Variants in NAV2 observed in about 807,000 individuals in gnomAD.
The protein encoded by NAV2 is helicase, APC down-regulated 1.
Under a neutral mutation model 223.2 loss-of-function variants are expected in NAV2, and 54 were observed. That is an observed-to-expected ratio of 0.24 (90% CI 0.19 to 0.30). The LOEUF (loss-of-function observed/expected upper bound fraction) is 0.30, where lower values mean the gene tolerates loss of function less well. Ranked by LOEUF, NAV2 falls within the 10% of genes least tolerant of loss-of-function variation. The pLI, the probability that NAV2 is intolerant of heterozygous loss-of-function variation, is 1.00. For synonymous variants in NAV2, 1,279 were observed against 1,239.3 expected (o/e 1.03, Z -0.67); for missense variants, 2,806 against 3,147.5 (o/e 0.89, Z 2.60).
chr11:19,802,350 T>C (rs2058319170), intron 1 of NAV2, among the ~76,000 whole-genome samples: 2 of 152,110 alleles, frequency 1.3e-5, no homozygotes, highest in East Asian at 1.9e-4. Context: ...AATTCTCTGA[T>C]TCTGGGTTCC....
chr11:19,414,339 A>C (rs7948615), intron 1 of NAV2, among the ~76,000 whole-genome samples: 44,491 of 152,130 alleles, frequency 0.29, 6,771 homozygotes, highest in East Asian at 0.51. Flanking sequence ...AGATCAAAAA[A>C]GAGAAAGAAG....
intron 1 of NAV2, among the ~76,000 whole-genome samples, chr11:19,813,031 A>G (rs543144303): frequency 2.0e-5 from 3 of 152,214 alleles, no homozygotes; most frequent in Non-Finnish European, 4.4e-5. Flanking sequence ...CACCCATGCC[A>G]ATGTCTCGGT....
At position 20,103,261 on chromosome 11, in the gene NAV2, C is replaced by A. The variant is rs34329467; in HGVS notation, c.6424C>A (p.Arg2142Ser). The A allele has an allele frequency of 1.1e-5, 18 of 1,612,160 alleles. No homozygotes were observed. Among genetic ancestry groups the A allele is most frequent in the East Asian group, 4.5e-5 (2 of 44,882 alleles). Residue 2142 changes from arginine (R) to serine (S), a missense_variant, in exon 33 of 38, where the codon CGC (arginine) becomes AGC (serine). Physicochemically the swap from Arg to Ser is moderately radical, Grantham distance 110 (BLOSUM62 -1). This residue lies in a region of NAV2 where 824 missense variants were observed against 1,069.4 expected (regional missense o/e 0.77). Transcript: ENST00000349880. ...GCCTTCCTGGCCACCATAGGAATTGCGCCAGTACCTGTCCAACCTTGCTGA... is the reference window on the plus strand; with the variant it reads ...GCCTTCCTGGCCACCATAGGAATTGAGCCAGTACCTGTCCAACCTTGCTGA... ...NVDHKSSKEL[R>S]QYLSNLADQC...
chr11:19,722,933 C>G (rs1410960669), intron 1 of NAV2, among the ~76,000 whole-genome samples: 1 of 152,214 alleles, frequency 6.6e-6, no homozygotes, highest in Non-Finnish European at 1.5e-5. Flanking sequence ...GAGGCAGATT[C>G]CTTTGCACAA....
rs888769422 is a variant in NAV2, at chr11:19,601,662, G to A, written c.76-230822G>A. Reference sequence around the variant, plus strand: ...AAACTGGCATGCAAACATTGCTATCGGTGACAGTGAATCTTGGTGGGGACA... The same window carrying A: ...AAACTGGCATGCAAACATTGCTATCAGTGACAGTGAATCTTGGTGGGGACA... On this transcript the variant is annotated intron_variant, in intron 1 of 37. Coordinates refer to the NAV2 transcript ENST00000360655. Among the ~76,000 whole-genome samples, 7 of 152,144 alleles carry A rather than the reference G, an allele frequency of 4.6e-5. 1 individual carries two copies. The South Asian group carries it at 8.3e-4, about 18-fold the overall frequency.
intron 4 of NAV2, among the ~76,000 whole-genome samples, chr11:19,874,022 C>T (rs926801158): frequency 2.6e-5 from 4 of 152,202 alleles, no homozygotes; most frequent in Non-Finnish European, 5.9e-5. Context: ...GTGGTTTGCA[C>T]AGCCCTCCCT....
intron 1 of NAV2, among the ~76,000 whole-genome samples, chr11:19,372,078 C>T (rs1430604915): frequency 1.3e-5 from 2 of 152,140 alleles, no homozygotes; most frequent in Non-Finnish European, 2.9e-5. Flanking sequence ...TGCACCTGGC[C>T]TATTTTTCTG....
rs759791466 is a variant in NAV2 at position 20,090,934 on chromosome 11, G to A, written c.5568G>A (p.Glu1856=). The change falls in exon 27 of 38, where the codon GAG becomes GAA. Residue 1856 remains glutamate (E), a synonymous_variant. Transcript: ENST00000349880. The part of the protein sequence containing the change: ...MQLRNELRDK[E]MKLTDIRLEA... Reference sequence around the variant, plus strand: ...TCCGAAATGAGTTAAGAGACAAGGAGATGAAGCTGACGGATATCCGCTTAG... The same window carrying A: ...TCCGAAATGAGTTAAGAGACAAGGAAATGAAGCTGACGGATATCCGCTTAG... 2 of 1,613,972 alleles carry A rather than the reference G, an allele frequency of 1.2e-6. No individual in the cohort carries two copies. The highest frequency in any genetic ancestry group is 2.2e-5 in the South Asian group (2 of 91,076).
Position 19,733,455 on chromosome 11 carries a change from C to T in NAV2, c.267+19493C>T, listed in dbSNP as rs1003772079. Among the ~76,000 whole-genome samples the T allele has an allele frequency of 3.9e-5, 6 of 152,156 alleles. No individual in the cohort carries two copies. In the East Asian group the frequency reaches 5.8e-4, roughly 15 times the overall value. ...CATGTGCCTAGGTCTATGTGCTTTA[C>T]GGGAGACCGAAACAGTGGAAGGCAT... On this transcript the variant is annotated intron_variant, in intron 1 of 37. Coordinates refer to ENST00000349880, the MANE Select transcript of NAV2 (RefSeq NM_145117.5).
intron 1 of NAV2, among the ~76,000 whole-genome samples, chr11:19,378,651 C>T (rs1467298246): frequency 1.3e-5 from 2 of 148,950 alleles, no homozygotes; most frequent in African/African-American, 5.0e-5. Flanking sequence ...GGAGGAGATG[C>T]TCCCTGTCAT....
intron 1 of NAV2, among the ~76,000 whole-genome samples, chr11:19,544,459 C>T (rs1036154818): frequency 6.6e-6 from 1 of 152,174 alleles, no homozygotes; most frequent in Non-Finnish European, 1.5e-5. Flanking sequence ...TCTGAGTAGG[C>T]ATCAAGGCCT....
At chr11:19,647,788 C>G (rs1293315854) in intron 1 of NAV2, among the ~76,000 whole-genome samples, 1 of 152,202 alleles carries the variant, frequency 6.6e-6, no homozygotes. Flanking sequence ...GGGCTCTGGG[C>G]AAGAGGGCAG....
intron 1 of NAV2, among the ~76,000 whole-genome samples, chr11:19,580,216 C>G (rs763905534): frequency 2.2e-4 from 34 of 152,156 alleles, no homozygotes; most frequent in Non-Finnish European, 2.6e-4. Flanking sequence ...CCAGTTGTCA[C>G]CGAAACCCAG....
rs569446282 is a variant in NAV2 at position 19,859,137 on chromosome 11, C to CTTTTTTTTTTTTTTTTTTTTTTTTTT, written c.439-9766_439-9765insTTTTTTTTTTTTTTTTTTTTTTTTTT. Among the ~76,000 whole-genome samples the CTTTTTTTTTTTTTTTTTTTTTTTTTT allele has an allele frequency of 6.1e-4, 65 of 107,098 alleles. 3 individuals carry two copies. The highest frequency in any genetic ancestry group is 5.8e-3 in the Middle Eastern group (1 of 172). The allele number at this position is 107,098 out of a possible 152,430, so 70.3% of individuals were successfully genotyped here. A position where few individuals can be genotyped will look rare whatever the true frequency, so the allele number is the denominator to read the frequency against. ...ATGGAGGAGTCCAAAATCATATTCT[C>CTTTTTTTTTTTTTTTTTTTTTTTTTT]TTTTTTTTTTTTTTTTTTTTTTATT... On this transcript the variant is annotated intron_variant, in intron 3 of 37. Transcript: ENST00000349880.
At chr11:19,778,739 T>A (rs935216239) in intron 1 of NAV2, among the ~76,000 whole-genome samples, 1 of 152,202 alleles carries the variant, frequency 6.6e-6, no homozygotes, top group Non-Finnish European at 1.5e-5. Flanking sequence ...TTAGCAGACG[T>A]TATGCACCTT....
At chr11:19,446,871 C>T (rs1851603350) in intron 1 of NAV2, among the ~76,000 whole-genome samples, 1 of 152,182 alleles carries the variant, frequency 6.6e-6, no homozygotes, top group Non-Finnish European at 1.5e-5. Flanking sequence ...GTTGATGTAG[C>T]CTGGGACCAG....
At chr11:20,086,035 G>T (rs557276364) in intron 26 of NAV2, among the ~76,000 whole-genome samples, 1 of 152,178 alleles carries the variant, frequency 6.6e-6, no homozygotes, top group Non-Finnish European at 1.5e-5. Context: ...AAACAGGTTC[G>T]ATATGTCTGA....
chr11:19,492,145 A>G (rs1045484493), intron 1 of NAV2, among the ~76,000 whole-genome samples: 46 of 152,232 alleles, frequency 3.0e-4, no homozygotes, highest in African/African-American at 1.1e-3. Flanking sequence ...AACAGATACA[A>G]TAATAATGAA....
chr11:20,079,449 G>A (rs2059957159), intron 24 of NAV2, among the ~76,000 whole-genome samples: 1 of 152,196 alleles, frequency 6.6e-6, no homozygotes, highest in African/African-American at 2.4e-5. Flanking sequence ...GCCTTTAGGT[G>A]TAGTTCTGTC....
Sources: allele counts gnomAD v4.1 joint callset (sites outside exome capture counted in the v4.1 genomes callset), GRCh38; gene constraint gnomAD v4.1.1; regional missense constraint gnomAD v4.1.1; transcripts MANE v1.5; gene names NCBI Gene and HGNC (gene_info 2026-07-23, HGNC 2026-07-21).